DRC4: variants seen among roughly 807,000 people sequenced by gnomAD.
DRC4 encodes the protein GAS-11.
chr16:90,027,687 G>C, the DRC4 span: 1 of 1,614,128 alleles, frequency 6.2e-7, no homozygotes, highest in Non-Finnish European at 8.5e-7. Flanking sequence ...CCCGATTGTC[G>C]ATGGGCTCGC....
At chr16:90,033,387 G>C in the DRC4 span, among the ~76,000 whole-genome samples, 1 of 151,560 alleles carries the variant, frequency 6.6e-6, no homozygotes, top group African/African-American at 2.4e-5. Flanking sequence ...CTGTGCACCT[G>C]GTTCAGTGGC....
the DRC4 span, among the ~76,000 whole-genome samples, chr16:90,041,974 G>C: frequency 6.6e-6 from 1 of 152,012 alleles, no homozygotes; most frequent in South Asian, 2.1e-4. Flanking sequence ...GTCTTGCTCT[G>C]TCACCCAGAC....
the DRC4 span, among the ~76,000 whole-genome samples, chr16:90,023,259 CCCAGGGCACAA>C: frequency 6.6e-6 from 1 of 152,190 alleles, no homozygotes; most frequent in Non-Finnish European, 1.5e-5. Context: ...CCTTGGAGTG[CCCAGGGCACAA>C]CCTTGGGATA....
At chr16:90,042,826 G>A in the DRC4 span, 4 of 516,914 alleles carry the variant, frequency 7.7e-6, 1 homozygote, top group South Asian at 4.5e-5. Flanking sequence ...AGAAGGTGCT[G>A]TGCCCACCGG....
At chr16:90,022,394 G>T in the DRC4 span, among the ~76,000 whole-genome samples, 17 of 152,230 alleles carry the variant, frequency 1.1e-4, no homozygotes, top group Non-Finnish European at 2.4e-4. Flanking sequence ...TACTGAGCAC[G>T]TGCTGTGTGC....
At chr16:90,041,335 G>C in the DRC4 span, among the ~76,000 whole-genome samples, 1 of 152,180 alleles carries the variant, frequency 6.6e-6, no homozygotes, top group Non-Finnish European at 1.5e-5. Context: ...TTTGCTGCTG[G>C]CCAGGTGTGA....
chr16:90,033,022 A>G, the DRC4 span: 3 of 1,115,614 alleles, frequency 2.7e-6, no homozygotes, highest in Non-Finnish European at 3.9e-6. Context: ...CTGGGAATTC[A>G]TATTTCTGCA....
the DRC4 span, chr16:90,037,156 A>T: frequency 8.7e-5 from 124 of 1,425,824 alleles, no homozygotes; most frequent in East Asian, 2.8e-3. Flanking sequence ...GAGAGCACCC[A>T]GCTCTCACCA....
chr16:90,039,050 A>G, the DRC4 span, among the ~76,000 whole-genome samples: 1 of 152,220 alleles, frequency 6.6e-6, no homozygotes. Flanking sequence ...CTTCAGAGAC[A>G]CCTCAGGTCC....
At chr16:90,028,721 C>T in the DRC4 span, among the ~76,000 whole-genome samples, 1 of 152,192 alleles carries the variant, frequency 6.6e-6, no homozygotes, top group African/African-American at 2.4e-5. Flanking sequence ...ACGGTGCACC[C>T]TCTGGCCTCT....
the DRC4 span, chr16:90,019,841 C>G: frequency 5.1e-5 from 35 of 687,994 alleles, 2 homozygotes; most frequent in Non-Finnish European, 8.2e-5. The surrounding 1 kb of genome is among the most constrained non-coding windows in gnomAD (Gnocchi z 6.1). Flanking sequence ...AGGGGCCTGA[C>G]TCGCGCTGGG....
At chr16:90,037,719 A>G in the DRC4 span, 7 of 1,569,286 alleles carry the variant, frequency 4.5e-6, no homozygotes, top group Admixed American at 1.7e-5. Flanking sequence ...ATGACTGTGA[A>G]TCTTGAATAC....
chr16:90,036,331 G>C, the DRC4 span: 3 of 1,501,250 alleles, frequency 2.0e-6, no homozygotes, highest in Non-Finnish European at 2.7e-6. Flanking sequence ...TGTAGCCGTA[G>C]GGGCACCACG....
At chr16:90,044,946 G>C in the DRC4 span, 2 of 197,206 alleles carry the variant, frequency 1.0e-5, no homozygotes, top group African/African-American at 4.8e-5. Context: ...AACTTATAAA[G>C]TGGATTATAC....
At chr16:90,038,157 A>T in the DRC4 span, among the ~76,000 whole-genome samples, 1 of 152,190 alleles carries the variant, frequency 6.6e-6, no homozygotes, top group African/African-American at 2.4e-5. Context: ...CGGATCACAC[A>T]TGACTTTCGT....
the DRC4 span, chr16:90,040,248 G>C: frequency 6.6e-7 from 1 of 1,517,806 alleles, no homozygotes; most frequent in Non-Finnish European, 8.9e-7. Flanking sequence ...TTCCCAGCGA[G>C]ATGTCCCCAG....
the DRC4 span, chr16:90,036,784 C>A: frequency 1.4e-6 from 1 of 700,272 alleles, no homozygotes; most frequent in Non-Finnish European, 2.6e-6. Flanking sequence ...TTGTTAAAAG[C>A]AGTCAGGATA....
chr16:90,044,031 CA>C, the DRC4 span: 1 of 433,264 alleles, frequency 2.3e-6, no homozygotes, highest in Non-Finnish European at 4.7e-6. Context: ...GGGATAGCAG[CA>C]AACCACCTAT....
chr16:90,036,328 G>T, the DRC4 span: 2 of 1,491,492 alleles, frequency 1.3e-6, no homozygotes, highest in East Asian at 2.3e-5. Context: ...TTCTGTAGCC[G>T]TAGGGGCACC....
Sources: allele counts gnomAD v4.1 joint callset (sites outside exome capture counted in the v4.1 genomes callset), GRCh38; gene constraint gnomAD v4.1.1; non-coding constraint Gnocchi (gnomAD v3.1); transcripts MANE v1.5; gene names NCBI Gene and HGNC (gene_info 2026-07-23, HGNC 2026-07-21).